ANKRD55: variants seen among roughly 807,000 people sequenced by gnomAD.
The protein encoded by ANKRD55 is ankyrin repeat domain-containing protein 55.
In ANKRD55, 41 loss-of-function variants were observed where a neutral mutation model predicts 60.6. The observed-to-expected ratio is 0.68, with a 90% CI of 0.53 to 0.88. The LOEUF is 0.88. Among genes scored for constraint, ANKRD55 ranks in the 40% least tolerant of loss-of-function variants. The pLI is 0.00. For synonymous variants in ANKRD55, 264 were observed against 290.3 expected, an observed-to-expected ratio of 0.91 and a Z score of 0.92; for missense variants, 732 against 767.6, an observed-to-expected ratio of 0.95 and a Z score of 0.55.
intron 2 of ANKRD55, among the ~76,000 whole-genome samples, chr5:56,195,967 A>T (rs1024007237): frequency 6.6e-6 from 1 of 152,164 alleles, no homozygotes; most frequent in African/African-American, 2.4e-5. Context: ...TGTGGACATG[A>T]ATTTTCATAT....
At chr5:56,151,839 A>ATATG (rs560296686) in intron 6 of ANKRD55, among the ~76,000 whole-genome samples, 48 of 147,968 alleles carry the variant, frequency 3.2e-4, no homozygotes, top group East Asian at 1.4e-3. Context: ...ATATATATAT[A>ATATG]TGTGTGTGTG....
chr5:56,110,045 C>CTT (rs1756628215), intron 10 of ANKRD55, among the ~76,000 whole-genome samples: 1 of 121,214 alleles, frequency 8.2e-6, no homozygotes, highest in African/African-American at 3.9e-5. Context: ...AGCGAGACTC[C>CTT]GTCTCAAAAA....
At chr5:56,203,956 T>A (rs888501523) in intron 2 of ANKRD55, among the ~76,000 whole-genome samples, 1 of 152,162 alleles carries the variant, frequency 6.6e-6, no homozygotes, top group Non-Finnish European at 1.5e-5. Flanking sequence ...CCACCAACAG[T>A]GTAAAAGTGT....
At chr5:56,194,230 T>C (rs1348367486) in intron 2 of ANKRD55, among the ~76,000 whole-genome samples, 1 of 150,430 alleles carries the variant, frequency 6.6e-6, no homozygotes. Flanking sequence ...GCAGGAGAAC[T>C]GCTTGAACTG....
intron 10 of ANKRD55, among the ~76,000 whole-genome samples, chr5:56,105,441 A>G (rs1756430101): frequency 6.6e-6 from 1 of 152,190 alleles, no homozygotes; most frequent in Non-Finnish European, 1.5e-5. Context: ...TCCTACAGAG[A>G]TCAGGGTGAC....
At chr5:56,121,035 A>G (rs531408321) in intron 8 of ANKRD55, among the ~76,000 whole-genome samples, 1 of 152,244 alleles carries the variant, frequency 6.6e-6, no homozygotes, top group South Asian at 2.1e-4. Flanking sequence ...TGGTTTGTCT[A>G]GGCAATGGGA....
intron 8 of ANKRD55, among the ~76,000 whole-genome samples, chr5:56,117,985 A>G (rs1309418700): frequency 6.6e-6 from 1 of 152,126 alleles, no homozygotes; most frequent in Non-Finnish European, 1.5e-5. Flanking sequence ...TCCATTAAAA[A>G]TACAAAAATT....
intron 8 of ANKRD55, among the ~76,000 whole-genome samples, chr5:56,120,949 T>C (rs1757029977): frequency 6.7e-6 from 1 of 148,762 alleles, no homozygotes; most frequent in Non-Finnish European, 1.5e-5. Context: ...AAAGGACCAC[T>C]GGACTCAGGA....
chr5:56,136,052 T>C (rs190948450), intron 7 of ANKRD55, among the ~76,000 whole-genome samples: 7 of 152,108 alleles, frequency 4.6e-5, no homozygotes, highest in African/African-American at 1.7e-4. Context: ...ATGAAAAACA[T>C]CAAAGAACTA....
chr5:56,153,235 C>A (rs955267318), intron 6 of ANKRD55, among the ~76,000 whole-genome samples: 1 of 151,424 alleles, frequency 6.6e-6, no homozygotes. Flanking sequence ...CCAGCAACAA[C>A]TGGGAAAAAA....
intron 8 of ANKRD55, chr5:56,125,635 A>G (rs1049985240): frequency 6.6e-6 from 1 of 152,126 alleles, no homozygotes; most frequent in Non-Finnish European, 1.5e-5. Context: ...TCATTTAACC[A>G]TCTCCAACTT....
intron 2 of ANKRD55, among the ~76,000 whole-genome samples, chr5:56,215,317 TCTC>T (rs1325096241): frequency 6.6e-6 from 1 of 152,158 alleles, no homozygotes; most frequent in Non-Finnish European, 1.5e-5. Flanking sequence ...TTAACCTCTT[TCTC>T]CTCCTCCTGG....
At chr5:56,141,861 A>G (rs1757779408) in intron 7 of ANKRD55, among the ~76,000 whole-genome samples, 1 of 152,228 alleles carries the variant, frequency 6.6e-6, no homozygotes. Context: ...TCACTATCAT[A>G]TGCATGGTCT....
At chr5:56,182,783 A>G (rs1308652487) in intron 3 of ANKRD55, among the ~76,000 whole-genome samples, 1 of 152,210 alleles carries the variant, frequency 6.6e-6, no homozygotes, top group African/African-American at 2.4e-5. Context: ...GGCATTAGAA[A>G]TCCAGGTTTC....
chr5:56,149,353 T>A (rs967903605), intron 6 of ANKRD55, among the ~76,000 whole-genome samples: 10 of 152,144 alleles, frequency 6.6e-5, no homozygotes, highest in Non-Finnish European at 1.3e-4. Flanking sequence ...GTAATAATTA[T>A]AAGAATAATA....
At chr5:56,195,444 A>G (rs1017918770) in intron 2 of ANKRD55, among the ~76,000 whole-genome samples, 26 of 151,932 alleles carry the variant, frequency 1.7e-4, no homozygotes, top group African/African-American at 6.3e-4. Context: ...CTGTTTAGCT[A>G]AACAATTTCT....
chr5:56,156,599 GT>G (rs1462625025), intron 6 of ANKRD55, among the ~76,000 whole-genome samples: 8 of 152,134 alleles, frequency 5.3e-5, no homozygotes, highest in African/African-American at 1.9e-4. Context: ...ATAAGACCTA[GT>G]TTAGGGATTA....
At chr5:56,227,232 G>A (rs1245823623) in intron 2 of ANKRD55, among the ~76,000 whole-genome samples, 5 of 151,294 alleles carry the variant, frequency 3.3e-5, no homozygotes, top group East Asian at 2.0e-4. Context: ...GCAAACTATC[G>A]CAAGGACAGA....
intron 7 of ANKRD55, among the ~76,000 whole-genome samples, chr5:56,133,066 T>A (rs1025104670): frequency 2.6e-5 from 4 of 152,240 alleles, no homozygotes; most frequent in African/African-American, 9.6e-5. Context: ...CGCTTTATAG[T>A]TGAAGACTTC....
Sources: gnomAD v4.1 joint callset for allele counts (sites outside exome capture counted in the v4.1 genomes callset) on GRCh38, gnomAD v4.1.1 for gene constraint, MANE v1.5 for transcripts, NCBI Gene and HGNC (gene_info 2026-07-23, HGNC 2026-07-21) for gene names.